TRIQK: variants seen among roughly 807,000 people sequenced by gnomAD.
TRIQK encodes triple QxxK/R motif containing.
TRIQK carries 10 observed loss-of-function variants against 10.8 expected under a neutral mutation model. The ratio of observed to expected loss-of-function variants is 0.92; its 90% CI spans 0.57 to 1.57. The LOEUF is 1.57. Ranked by LOEUF, TRIQK falls within the 40% of genes most tolerant of loss-of-function variation. The pLI, the probability that TRIQK is intolerant of heterozygous loss-of-function variation, is 0.00. For synonymous variants in TRIQK, 33 were observed against 33.7 expected, an observed-to-expected ratio of 0.98 and a Z score of 0.07; for missense variants, 107 against 97.7, an observed-to-expected ratio of 1.09 and a Z score of -0.40.
upstream of TRIQK, among the ~76,000 whole-genome samples, chr8:92,971,097 G>A (rs1812872917): frequency 1.3e-5 from 2 of 152,122 alleles, no homozygotes; most frequent in Non-Finnish European, 2.9e-5. Context: ...TCAAAAATCA[G>A]ATGGTTGTAG....
At chr8:92,993,299 C>A (rs777307730) in intron 1 of TRIQK, among the ~76,000 whole-genome samples, 64 of 152,132 alleles carry the variant, frequency 4.2e-4, no homozygotes, top group Non-Finnish European at 7.1e-4. Context: ...ATCATTCTTT[C>A]CTAGCTCACC....
intron 2 of TRIQK, among the ~76,000 whole-genome samples, chr8:92,935,758 C>T (rs1810956006): frequency 6.6e-6 from 1 of 151,224 alleles, no homozygotes; most frequent in South Asian, 2.1e-4. Context: ...AAAAAAGACT[C>T]AATATTCAGC....
At chr8:92,917,418 A>G (rs1809922222) in intron 2 of TRIQK, among the ~76,000 whole-genome samples, 2 of 152,184 alleles carry the variant, frequency 1.3e-5, no homozygotes, top group Admixed American at 1.3e-4. Flanking sequence ...AAGTAAGGCT[A>G]AAGTTTGAAT....
chr8:92,974,679 T>G (rs1812912388), intron 1 of TRIQK: 2 of 152,420 alleles, frequency 1.3e-5, no homozygotes, highest in Middle Eastern at 3.4e-3. Context: ...AATTGCAGAC[T>G]GTAATCCAGG....
intron 1 of TRIQK, among the ~76,000 whole-genome samples, chr8:93,011,767 C>T (rs973772167): frequency 8.5e-5 from 13 of 152,148 alleles, no homozygotes; most frequent in African/African-American, 2.9e-4. Flanking sequence ...AAACTATGAA[C>T]TGGGAATTAA....
intron 1 of TRIQK, among the ~76,000 whole-genome samples, chr8:93,015,765 T>C (rs1813379031): frequency 6.6e-6 from 1 of 152,090 alleles, no homozygotes; most frequent in Non-Finnish European, 1.5e-5. Context: ...CTTTTTCTTT[T>C]TTTTCTATTC....
At chr8:92,989,867 C>T (rs79101695) in intron 1 of TRIQK, among the ~76,000 whole-genome samples, 8,699 of 151,896 alleles carry the variant, frequency 0.057, 365 homozygotes, top group Non-Finnish European at 0.089. Flanking sequence ...TGTATTGACA[C>T]ATTTGACTAC....
chr8:92,964,113 G>A (rs1365224711), intron 1 of TRIQK, among the ~76,000 whole-genome samples: 1 of 151,982 alleles, frequency 6.6e-6, no homozygotes, highest in Non-Finnish European at 1.5e-5. Context: ...AATGGGAAAG[G>A]GGGCCCCAAA....
intron 3 of TRIQK, among the ~76,000 whole-genome samples, chr8:92,914,424 C>T (rs1281320872): frequency 6.6e-6 from 1 of 151,932 alleles, no homozygotes; most frequent in Non-Finnish European, 1.5e-5. Context: ...GCATAAGGAG[C>T]AATGAACAAA....
chr8:92,937,817 A>G (rs1351390292), intron 2 of TRIQK, among the ~76,000 whole-genome samples: 1 of 151,930 alleles, frequency 6.6e-6, no homozygotes, highest in Non-Finnish European at 1.5e-5. Flanking sequence ...CCTTTGGGAT[A>G]TTATTGTCAT....
intron 3 of TRIQK, among the ~76,000 whole-genome samples, chr8:92,909,457 C>T (rs1809455039): frequency 2.6e-5 from 4 of 151,934 alleles, no homozygotes; most frequent in Middle Eastern, 3.4e-3. Flanking sequence ...ATATAGAGAG[C>T]AGGCTGGTAA....
chr8:92,901,663 G>A (rs947739704), intron 3 of TRIQK, among the ~76,000 whole-genome samples: 1 of 151,888 alleles, frequency 6.6e-6, no homozygotes, highest in Non-Finnish European at 1.5e-5. Flanking sequence ...TTTGGTTGAG[G>A]ATTTTTGCAT....
intron 1 of TRIQK, chr8:92,960,433 G>A (rs1048193746): frequency 2.0e-5 from 3 of 152,050 alleles, no homozygotes; most frequent in Admixed American, 6.6e-5. Flanking sequence ...TTTTGTGATA[G>A]GCAAAATAAT....
intron 1 of TRIQK, among the ~76,000 whole-genome samples, chr8:92,987,355 C>A (rs1813045371): frequency 6.6e-6 from 1 of 152,262 alleles, no homozygotes; most frequent in Non-Finnish European, 1.5e-5. Context: ...AGAATGTATT[C>A]ATCAGTTTCT....
upstream of TRIQK, among the ~76,000 whole-genome samples, chr8:92,967,662 A>G (rs1349951911): frequency 6.6e-6 from 1 of 151,808 alleles, no homozygotes; most frequent in Admixed American, 6.6e-5. Context: ...TCTCTACTAA[A>G]AATACAAAAA....
At chr8:92,918,359 T>C (rs1322407647) in intron 2 of TRIQK, among the ~76,000 whole-genome samples, 1 of 151,924 alleles carries the variant, frequency 6.6e-6, no homozygotes, top group Non-Finnish European at 1.5e-5. Context: ...ACCATTTCCT[T>C]TTTTCTCCAC....
At chr8:92,995,886 T>C (rs139338268) in intron 1 of TRIQK, among the ~76,000 whole-genome samples, 2 of 152,180 alleles carry the variant, frequency 1.3e-5, no homozygotes, top group African/African-American at 4.8e-5. Context: ...TATTCAACTT[T>C]AGTAGCTATG....
At chr8:92,959,777 A>G (rs2130705607) in intron 1 of TRIQK, among the ~76,000 whole-genome samples, 1 of 152,168 alleles carries the variant, frequency 6.6e-6, no homozygotes. Flanking sequence ...ATACCGATAA[A>G]CCCATCATGA....
intron 4 of TRIQK, chr8:92,887,060 A>C: frequency 5.9e-6 from 1 of 169,044 alleles, no homozygotes; most frequent in South Asian, 1.5e-4. Flanking sequence ...GATACAAGCA[A>C]TGCAGTTTGT....
Sources: allele counts gnomAD v4.1 joint callset (sites outside exome capture counted in the v4.1 genomes callset), GRCh38; gene constraint gnomAD v4.1.1; transcripts MANE v1.5; gene names NCBI Gene and HGNC (gene_info 2026-07-23, HGNC 2026-07-21).